MBP: variants seen among roughly 807,000 people sequenced by gnomAD.
The protein encoded by MBP is myelin basic protein.
A neutral mutation model predicts 35.8 loss-of-function variants in MBP; 16 were observed. The observed-to-expected ratio is 0.45, with a 90% CI of 0.30 to 0.68. The LOEUF is 0.68. MBP is among the 30% of genes least tolerant of loss of function. The pLI is 0.08. For missense variants in MBP, 380 were observed against 404.7 expected (o/e 0.94, Z 0.52); for synonymous variants, 143 against 159.6 (o/e 0.90, Z 0.78).
In MBP at chr18:76,980,573, G is replaced by C. The variant is rs1969129754; in HGVS notation, c.871-102C>G. The C allele has an allele frequency of 1.5e-5, 13 of 864,200 alleles. No individual in the cohort carries two copies. In the East Asian group the frequency reaches 3.1e-4, roughly 21 times the overall value. The allele number at this position is 864,200 out of a possible 1,614,324, so 53.5% of individuals were successfully genotyped here. On this transcript the variant is annotated intron_variant, in intron 8 of 8. Coordinates refer to ENST00000355994, the MANE Select transcript of MBP (RefSeq NM_001025101.2). ...CCGGGTGGATGCTGAGCCATTGGGT[G>C]TCTCTCTCATCTGCTAATAGAAATG...
chr18:77,018,865 TATCCATCCATCCATCCATCCATCCATCC>T (rs200121847), intron 3 of MBP, among the ~76,000 whole-genome samples: 19 of 125,112 alleles, frequency 1.5e-4, no homozygotes, highest in Non-Finnish European at 2.0e-4. Flanking sequence ...CTCATCCATC[TATCCATCCATCCATCCATCCATCCATCC>T]ATCCATCCAT....
chr18:77,002,608 A>G (rs1212175648), intron 4 of MBP, among the ~76,000 whole-genome samples: 1 of 152,216 alleles, frequency 6.6e-6, no homozygotes, highest in Admixed American at 6.5e-5. Context: ...ATCATTCAGC[A>G]CTGCTCCCAC....
At chr18:77,014,527 C>T (rs961803471) in intron 4 of MBP, 1 of 985,312 alleles carries the variant, frequency 1.0e-6, no homozygotes, top group African/African-American at 1.7e-5. Flanking sequence ...ACCTTCCTAG[C>T]ATATAAAAAC....
intron 1 of MBP, chr18:77,127,523 A>C (rs1212612015): frequency 6.6e-6 from 1 of 152,240 alleles, no homozygotes; most frequent in Admixed American, 6.5e-5. Context: ...ATCAAAATCC[A>C]AAAAAGGTAA....
chr18:77,117,893 G>T (rs1205069151), intron 1 of MBP, among the ~76,000 whole-genome samples: 1 of 40,594 alleles, frequency 2.5e-5, no homozygotes, highest in Non-Finnish European at 4.4e-5. Context: ...GGAGTGGGAG[G>T]GGGGACATTG....
At chr18:77,117,404 G>A (rs957321577) in intron 1 of MBP, among the ~76,000 whole-genome samples, 2 of 152,242 alleles carry the variant, frequency 1.3e-5, no homozygotes, top group Non-Finnish European at 2.9e-5. Context: ...GGCCTAAAAA[G>A]ATCAGTAGCC....
intron 7 of MBP, chr18:76,985,300 T>C: frequency 7.7e-7 from 1 of 1,300,818 alleles, no homozygotes; most frequent in Admixed American, 2.3e-5. Flanking sequence ...ACTCGGACCC[T>C]GGGGGGCTGT....
chr18:76,988,688 G>A lies in MBP; in HGVS notation c.718-161C>T. The stretch of plus-strand genomic sequence containing the variant: ...CCGCAGGCTCAGGGCCACAGCGGCT[G>A]TGCAGGTGCGGGAGGGACAGGAGGG... On this transcript the variant is annotated intron_variant, in intron 6 of 8. Transcript: ENST00000355994. This position sits in a 1 kb window ranked among gnomAD's most constrained non-coding sequence, Gnocchi z 5.2. 2.1e-6 allele frequency: 3 copies of A among 1,416,772 alleles called. No homozygotes were observed. The highest frequency in any genetic ancestry group is 2.7e-5 in the South Asian group (2 of 73,576). The allele number at this position is 1,416,772 out of a possible 1,614,324, so 87.8% of individuals were successfully genotyped here. A position where few individuals can be genotyped will look rare whatever the true frequency, so the allele number is the denominator to read the frequency against.
chr18:77,101,229 C>T lies in MBP; in HGVS notation c.51+3982G>A, dbSNP rs1197788667. ...CATTGAGGCACGTCCCTGGGTTCTC[C>T]AGGGCAGCTGGCACCCTTTCCTTCT... On this transcript the variant is annotated intron_variant, in intron 2 of 8. Transcript: ENST00000355994. The surrounding 1 kb of genome is among the most constrained non-coding windows in gnomAD (Gnocchi z 4.3). Among the ~76,000 whole-genome samples, 1 of 152,252 alleles carries T rather than the reference C, an allele frequency of 6.6e-6. No homozygotes were observed. Among genetic ancestry groups the T allele is most frequent in the African/African-American group, 2.4e-5 (1 of 41,472 alleles).
intron 3 of MBP, among the ~76,000 whole-genome samples, chr18:77,049,741 G>A (rs1973406821): frequency 6.6e-6 from 1 of 151,968 alleles, no homozygotes; most frequent in African/African-American, 2.4e-5. Flanking sequence ...AGTGTGTGGT[G>A]CAATCTCAGC....
intron 2 of MBP, among the ~76,000 whole-genome samples, chr18:77,070,094 G>A (rs1401944251): frequency 1.3e-5 from 2 of 152,110 alleles, no homozygotes; most frequent in South Asian, 4.1e-4. Flanking sequence ...TAAGCAAAAG[G>A]TCTACTCGCA....
At chr18:77,072,052 A>T (rs1974475106) in intron 2 of MBP, among the ~76,000 whole-genome samples, 1 of 152,194 alleles carries the variant, frequency 6.6e-6, no homozygotes, top group Admixed American at 6.5e-5. Flanking sequence ...AGCCCAGCTG[A>T]AGCTTCCTAT....
At chr18:77,074,830 T>C (rs918718935) in intron 2 of MBP, among the ~76,000 whole-genome samples, 14 of 152,162 alleles carry the variant, frequency 9.2e-5, no homozygotes, top group Admixed American at 4.6e-4. Context: ...GTGGTCTCTG[T>C]CTAATATGCA....
intron 3 of MBP, among the ~76,000 whole-genome samples, chr18:77,037,073 T>C (rs1789253): frequency 2.7e-4 from 31 of 115,602 alleles, no homozygotes; most frequent in East Asian, 2.9e-4. Flanking sequence ...CAGAGCTGAG[T>C]AAGTGCTGGT....
chr18:77,065,258 C>T (rs1974148256), intron 3 of MBP, among the ~76,000 whole-genome samples: 1 of 152,192 alleles, frequency 6.6e-6, no homozygotes, highest in Admixed American at 6.5e-5. Context: ...ATCTGCTCAG[C>T]TTCTGGTGAG....
At chr18:77,096,269 A>G (rs373940344) in intron 2 of MBP, among the ~76,000 whole-genome samples, 14 of 152,244 alleles carry the variant, frequency 9.2e-5, no homozygotes, top group African/African-American at 3.4e-4. Context: ...GCCTTTGTGT[A>G]TATTTGCAAA....
At chr18:77,035,162 T>C (rs1415768644) in intron 3 of MBP, among the ~76,000 whole-genome samples, 2 of 152,192 alleles carry the variant, frequency 1.3e-5, no homozygotes, top group Non-Finnish European at 2.9e-5. Flanking sequence ...AGGTTTCCTC[T>C]GCTTCTCCAG....
intron 1 of MBP, chr18:77,109,682 G>A (rs769175125): frequency 1.3e-5 from 2 of 152,204 alleles, no homozygotes; most frequent in Non-Finnish European, 2.9e-5. Flanking sequence ...CAAAAATGTA[G>A]GGAGCAAACA....
intron 2 of MBP, among the ~76,000 whole-genome samples, chr18:77,074,837 T>G (rs1020236043): frequency 2.0e-5 from 3 of 152,224 alleles, no homozygotes; most frequent in African/African-American, 7.2e-5. Flanking sequence ...CTGTCTAATA[T>G]GCAGTGCAAA....
Sources: allele counts gnomAD v4.1 joint callset (sites outside exome capture counted in the v4.1 genomes callset), GRCh38; gene constraint gnomAD v4.1.1; non-coding constraint Gnocchi (gnomAD v3.1); transcripts MANE v1.5; gene names NCBI Gene and HGNC (gene_info 2026-07-23, HGNC 2026-07-21).